TNC: variants seen among roughly 807,000 people sequenced by gnomAD.
TNC encodes tenascin C, also known as tenascin.
Under a neutral mutation model 202.4 loss-of-function variants are expected in TNC, and 109 were observed. That is an observed-to-expected ratio of 0.54 (90% confidence interval 0.46 to 0.63). TNC has a LOEUF of 0.63. Among genes scored for constraint, TNC ranks in the 30% least tolerant of loss-of-function variants. The pLI is 0.00. For synonymous variants in TNC, 1,007 were observed against 1,089.7 expected, an observed-to-expected ratio of 0.92 and a Z score of 1.50; for missense variants, 2,756 against 2,833.3, an observed-to-expected ratio of 0.97 and a Z score of 0.62.
rs755966640 is a variant in TNC at position 115,078,188 on chromosome 9, T to C, written c.2429A>G (p.Glu810Gly). 1.9e-6 allele frequency: 3 copies of C among 1,609,468 alleles called. No homozygotes were observed. In the Admixed American group the frequency reaches 5.0e-5, roughly 27 times the overall value. Residue 810 changes from glutamate to glycine, a missense_variant, in exon 7 of 28, where the codon GAG (glutamate) becomes GGG (glycine). Coordinates refer to ENST00000350763, the MANE Select transcript of TNC (RefSeq NM_002160.4). The stretch of plus-strand genomic sequence containing the variant: ...AGTGGTGTCTGTGACATCTTTCACC[T>C]CGATCTGGCTGGGGGCATCCAAGCC... ...TTRLDAPSQI[E>G]VKDVTDTTAL...
At position 115,059,754 on chromosome 9, in the gene TNC, C is replaced by T. The variant is rs767921537; in HGVS notation, c.4282G>A (p.Val1428Ile). The change falls in exon 14 of 28, where the codon GTA becomes ATA. Residue 1428 changes from valine to isoleucine, a missense_variant. Val to Ile is a conservative substitution (Grantham distance 29). Coordinates refer to ENST00000350763, the MANE Select transcript of TNC (RefSeq NM_002160.4). Reference sequence around the variant, plus strand: ...CCTGTGGAGGCCTCAGCAGAGAGTACTGGTGTTCTATAGCCCCGGATCACC... The same window carrying T: ...CCTGTGGAGGCCTCAGCAGAGAGTATTGGTGTTCTATAGCCCCGGATCACC... Reference protein sequence around the residue: ...YGVIRGYRTPVLSAEASTAKE... With the variant: ...YGVIRGYRTPILSAEASTAKE... The T allele has an allele frequency of 3.1e-6, 5 of 1,611,758 alleles. No individual in the cohort carries two copies. The African/African-American group carries it at 5.3e-5, about 17-fold the overall frequency.
At chr9:115,027,484 G>C (rs1829599023) in intron 25 of TNC, among the ~76,000 whole-genome samples, 1 of 151,924 alleles carries the variant, frequency 6.6e-6, no homozygotes, top group Admixed American at 6.6e-5. Flanking sequence ...CAGCTACCTG[G>C]GGGGCTGAGG....
chr9:115,084,710 G>A (rs1007783115), intron 3 of TNC, among the ~76,000 whole-genome samples: 5 of 152,196 alleles, frequency 3.3e-5, no homozygotes, highest in African/African-American at 9.7e-5. Flanking sequence ...GCCCTTGGGT[G>A]TTTCTGGCCT....
intron 1 of TNC, among the ~76,000 whole-genome samples, chr9:115,097,068 A>C (rs1835851619): frequency 6.6e-6 from 1 of 152,226 alleles, no homozygotes. Context: ...GAGGGCACTC[A>C]GTCCATATCC....
At chr9:115,080,726 C>G (rs763509345) in intron 6 of TNC, among the ~76,000 whole-genome samples, 10 of 152,040 alleles carry the variant, frequency 6.6e-5, no homozygotes, top group Non-Finnish European at 1.3e-4. Flanking sequence ...GCCTGGCCAA[C>G]ATGCTGAAAC....
intron 6 of TNC, among the ~76,000 whole-genome samples, chr9:115,080,013 C>G (rs942205776): frequency 1.3e-5 from 2 of 152,220 alleles, no homozygotes; most frequent in African/African-American, 4.8e-5. Context: ...GTAATGCCAG[C>G]ACCTTAGGAG....
chr9:115,060,064 C>T, intron 13 of TNC, 62 bp from the exon 14 acceptor site: 1 of 1,477,286 alleles, frequency 6.8e-7, no homozygotes, highest in South Asian at 1.3e-5. Context: ...AACCAAACAT[C>T]CCACAGCCCA....
At chr9:115,089,454 C>T (rs1168708315) in intron 2 of TNC, among the ~76,000 whole-genome samples, 1 of 151,868 alleles carries the variant, frequency 6.6e-6, no homozygotes, top group East Asian at 1.9e-4. Context: ...GCTCTGGAGA[C>T]ACACAGGCAC....
chr9:115,045,751 A>T (rs1387219058), intron 17 of TNC, among the ~76,000 whole-genome samples: 2 of 151,502 alleles, frequency 1.3e-5, no homozygotes, highest in African/African-American at 4.9e-5. Flanking sequence ...AAAGGTAATT[A>T]AACTCCAAGG....
chr9:115,077,854 T>C (rs1309703559), intron 7 of TNC, 89 bp downstream of exon 7: 1 of 1,380,276 alleles, frequency 7.2e-7, no homozygotes, highest in Non-Finnish European at 9.9e-7. Context: ...TACTGTAAAA[T>C]GAGCCTGGAA....
At chr9:115,052,473 C>T (rs906714382) in intron 15 of TNC, among the ~76,000 whole-genome samples, 1 of 112,098 alleles carries the variant, frequency 8.9e-6, no homozygotes, top group Admixed American at 8.4e-5. Flanking sequence ...GTTCTCACAG[C>T]ACAATAAATA....
At chr9:115,095,502 GTATA>G (rs765328159) in intron 1 of TNC, among the ~76,000 whole-genome samples, 4 of 30,756 alleles carry the variant, frequency 1.3e-4, no homozygotes, top group African/African-American at 8.6e-4. Context: ...GTATATATAT[GTATA>G]TATATATGTA....
chr9:115,027,306 C>T (rs569628512), intron 25 of TNC, among the ~76,000 whole-genome samples: 8 of 151,912 alleles, frequency 5.3e-5, no homozygotes, highest in African/African-American at 1.2e-4. Context: ...AAGTGCCTTA[C>T]AGGCCAGGCA....
chr9:115,075,848 G>A (rs530002663), intron 9 of TNC, among the ~76,000 whole-genome samples, 184 bp downstream of exon 9: 18 of 152,284 alleles, frequency 1.2e-4, no homozygotes, highest in Admixed American at 1.0e-3. Flanking sequence ...GATGATGTTG[G>A]CATCATACAG....
intron 1 of TNC, among the ~76,000 whole-genome samples, chr9:115,102,107 TAG>T (rs1836283566): frequency 6.6e-6 from 1 of 152,192 alleles, no homozygotes; most frequent in South Asian, 2.1e-4. Flanking sequence ...AACTGAGGCA[TAG>T]AGTCTTTACA....
rs150440833 is a variant in TNC at position 115,053,117 on chromosome 9, C to T, written c.4579+4036G>A. 1.5e-4 allele frequency: 96 copies of T among 632,742 alleles called. No individual in the cohort carries two copies. In the African/African-American group the frequency reaches 1.7e-3, roughly 11 times the overall value. The allele number at this position is 632,742 out of a possible 1,614,324, so 39.2% of individuals were successfully genotyped here. A position where few individuals can be genotyped will look rare whatever the true frequency, so the allele number is the denominator to read the frequency against. ...ATAGAACATGAAAGCATCAATATCT[C>T]CAAATACATACAGAAGAGACAGTAT... On this transcript the variant is annotated intron_variant, in intron 15 of 27. Transcript: ENST00000350763.
At chr9:115,021,988 C>T (rs1203579374) in intron 27 of TNC, among the ~76,000 whole-genome samples, 2 of 152,162 alleles carry the variant, frequency 1.3e-5, no homozygotes, top group Non-Finnish European at 2.9e-5. Context: ...GGGAAATATC[C>T]TTGAAATTTT....
At chr9:115,026,452 G>C (rs1312724523) in intron 26 of TNC, 82 bp downstream of exon 26, 29 of 1,433,334 alleles carry the variant, frequency 2.0e-5, no homozygotes, top group Non-Finnish European at 2.6e-5. Context: ...AATGAGGAAG[G>C]AATGAAAGTT....
intron 20 of TNC, among the ~76,000 whole-genome samples, chr9:115,036,585 C>T (rs1048618090): frequency 1.3e-5 from 2 of 152,172 alleles, no homozygotes; most frequent in African/African-American, 4.8e-5. Flanking sequence ...CCCAAGCCTG[C>T]TGCCCATGCT....
Sources: gnomAD v4.1 joint callset for allele counts (sites outside exome capture counted in the v4.1 genomes callset) on GRCh38, gnomAD v4.1.1 for gene constraint, MANE v1.5 for transcripts, NCBI Gene and HGNC (gene_info 2026-07-23, HGNC 2026-07-21) for gene names.